Variants in RGS5 observed in about 807,000 individuals in gnomAD.
The protein encoded by RGS5 is regulator of G-protein signalling 5.
RGS5 carries 20 observed loss-of-function variants against 18.9 expected under a neutral mutation model. The ratio of observed to expected loss-of-function variants is 1.06; its 90% CI spans 0.74 to 1.54. The LOEUF is 1.54. Ranked by LOEUF, RGS5 falls within the 40% of genes most tolerant of loss-of-function variation. RGS5 has a pLI of 0.00. For missense variants in RGS5, 201 were observed against 211.8 expected, an observed-to-expected ratio of 0.95 and a Z score of 0.32; for synonymous variants, 57 against 76.2, an observed-to-expected ratio of 0.75 and a Z score of 1.31.
chr1:163,227,612 A>G (rs902833427), intron 2 of RGS5, among the ~76,000 whole-genome samples: 8 of 143,700 alleles, frequency 5.6e-5, no homozygotes, highest in African/African-American at 2.1e-4. Flanking sequence ...ATGTCCTCAC[A>G]TTTCAAAACA....
At chr1:163,199,473 T>C (rs1659692585) in intron 1 of RGS5, among the ~76,000 whole-genome samples, 1 of 152,208 alleles carries the variant, frequency 6.6e-6, no homozygotes, top group African/African-American at 2.4e-5. Flanking sequence ...TTGTTAATTG[T>C]TGAAATTTTC....
intron 2 of RGS5, among the ~76,000 whole-genome samples, chr1:163,235,498 T>A (rs1647599361): frequency 6.6e-6 from 1 of 152,202 alleles, no homozygotes; most frequent in Admixed American, 6.5e-5. Flanking sequence ...CAGTAGGGAC[T>A]ATTTCTTGAT....
chr1:163,192,429 A>T (rs1659396247), intron 1 of RGS5, among the ~76,000 whole-genome samples: 1 of 152,182 alleles, frequency 6.6e-6, no homozygotes, highest in Non-Finnish European at 1.5e-5. Flanking sequence ...AGGAGAGAGA[A>T]AAAGTTTGTT....
In RGS5 at chr1:163,168,476, C is replaced by T. The variant is rs1658157815; in HGVS notation, c.45-108G>A. The T allele has an allele frequency of 5.3e-5, 41 of 777,054 alleles. 1 individual carries two copies. In the South Asian group the frequency reaches 6.8e-4, roughly 13 times the overall value. The allele number at this position is 777,054 out of a possible 1,614,324, so 48.1% of individuals were successfully genotyped here. A position where few individuals can be genotyped will look rare whatever the true frequency, so the allele number is the denominator to read the frequency against. ...AACAAAAATGAACAAAATCCCATTTCACTTTTATTTTTCTTGTGGCAGAAA... is the reference window on the plus strand; with the variant it reads ...AACAAAAATGAACAAAATCCCATTTTACTTTTATTTTTCTTGTGGCAGAAA... On this transcript the variant is annotated intron_variant, in intron 1 of 4. Transcript: ENST00000313961.
rs1439163424 is a variant in RGS5 at position 163,246,324 on chromosome 1, A to G, written c.-281+59909T>C. 2.0e-5 allele frequency among the ~76,000 whole-genome samples: 3 copies of G among 151,856 alleles called. No individual in the cohort carries two copies. The East Asian group carries it at 5.8e-4, about 29-fold the overall frequency. On this transcript the variant is annotated intron_variant, in intron 2 of 5. Coordinates refer to the RGS5 transcript ENST00000618415. ...GGTGCCTCACGCCTGTAATCCCAGC[A>G]CTTTGGGAGGCTGAGGCGGGCGGAT...
intron 1 of RGS5, among the ~76,000 whole-genome samples, chr1:163,192,079 T>C (rs986446251): frequency 1.3e-5 from 2 of 152,198 alleles, no homozygotes; most frequent in African/African-American, 2.4e-5. Flanking sequence ...GTTGTTCAAC[T>C]GTATCCTTTG....
chr1:163,171,355 T>C (rs896569491), intron 1 of RGS5, among the ~76,000 whole-genome samples: 1 of 152,164 alleles, frequency 6.6e-6, no homozygotes, highest in African/African-American at 2.4e-5. Context: ...CGTGAAAACC[T>C]TCATCCATAA....
chr1:163,168,465 A>C lies in RGS5; in HGVS notation c.45-97T>G, dbSNP rs554159504. On this transcript the variant is annotated intron_variant, in intron 1 of 4. Coordinates refer to ENST00000313961, the MANE Select transcript of RGS5 (RefSeq NM_003617.4). ...TGTGTCAGAGAAACAAAAATGAACA[A>C]AATCCCATTTCACTTTTATTTTTCT... 5 of 839,382 alleles carry C rather than the reference A, an allele frequency of 6.0e-6. No individual in the cohort carries two copies. The East Asian group carries it at 7.4e-5, about 12-fold the overall frequency. The allele number at this position is 839,382 out of a possible 1,614,324, so 52.0% of individuals were successfully genotyped here.
In RGS5 at chr1:163,147,056, C is replaced by A. The variant is rs555193721; in HGVS notation, c.*286G>T. On this transcript the variant is annotated 3_prime_UTR_variant, in exon 5 of 5. Coordinates refer to ENST00000313961, the MANE Select transcript of RGS5 (RefSeq NM_003617.4). ...CATAGTCTTGTCTTATATTTCTTTG[C>A]CTTAGGCAGGATTTTTCTGTGATTC... 3 of 254,994 alleles carry A rather than the reference C, an allele frequency of 1.2e-5. No individual in the cohort carries two copies. Among genetic ancestry groups the A allele is most frequent in the Non-Finnish European group, 2.2e-5 (3 of 135,720 alleles). 15.8% of individuals were successfully genotyped at this position (254,994 alleles called of 1,614,324 possible).
intron 1 of RGS5, among the ~76,000 whole-genome samples, chr1:163,199,755 T>C (rs1659704647): frequency 6.6e-6 from 1 of 152,096 alleles, no homozygotes; most frequent in Non-Finnish European, 1.5e-5. Context: ...TTGATTATTT[T>C]TCATTATTTG....
chr1:163,280,724 A>G (rs1369237026), intron 2 of RGS5, among the ~76,000 whole-genome samples: 2 of 151,904 alleles, frequency 1.3e-5, no homozygotes, highest in African/African-American at 4.8e-5. Context: ...TTCCTACCCA[A>G]AGTAATCTAC....
intron 1 of RGS5, among the ~76,000 whole-genome samples, chr1:163,198,173 CAA>C (rs1407999971): frequency 6.6e-6 from 1 of 151,934 alleles, no homozygotes; most frequent in Non-Finnish European, 1.5e-5. Context: ...TTTTTAAAAA[CAA>C]AAATTTAAAA....
chr1:163,221,567 A>G (rs900577449), upstream of RGS5, among the ~76,000 whole-genome samples: 2 of 152,222 alleles, frequency 1.3e-5, no homozygotes, highest in Admixed American at 1.3e-4. Context: ...AGTCAAATTG[A>G]TGTAGTCTTA....
chr1:163,294,087 A>T (rs1348417847), intron 2 of RGS5, among the ~76,000 whole-genome samples: 1 of 152,186 alleles, frequency 6.6e-6, no homozygotes, highest in African/African-American at 2.4e-5. Context: ...GCAAGATGTC[A>T]GTGGATCTAC....
At chr1:163,278,652 C>T (rs1571336746) in intron 2 of RGS5, among the ~76,000 whole-genome samples, 1 of 151,936 alleles carries the variant, frequency 6.6e-6, no homozygotes, top group Non-Finnish European at 1.5e-5. Flanking sequence ...ATATATCAAA[C>T]AATTAGAAAC....
At chr1:163,228,294 T>C (rs1647386689) in intron 2 of RGS5, among the ~76,000 whole-genome samples, 1 of 152,240 alleles carries the variant, frequency 6.6e-6, no homozygotes, top group South Asian at 2.1e-4. Flanking sequence ...GAAATCTAGG[T>C]GGAGGTTCCC....
chr1:163,317,731 A>T (rs1327362699), intron 1 of RGS5, among the ~76,000 whole-genome samples: 1 of 152,200 alleles, frequency 6.6e-6, no homozygotes, highest in African/African-American at 2.4e-5. Flanking sequence ...AGAATCTCTC[A>T]GTTCCTAGAC....
chr1:163,191,561 G>A (rs557666667), intron 1 of RGS5, among the ~76,000 whole-genome samples: 3 of 152,242 alleles, frequency 2.0e-5, no homozygotes, highest in East Asian at 1.9e-4. Context: ...TCATGAGTGC[G>A]TTTCTTATTA....
chr1:163,293,627 A>G (rs1649349920), intron 2 of RGS5, among the ~76,000 whole-genome samples: 1 of 152,146 alleles, frequency 6.6e-6, no homozygotes, highest in African/African-American at 2.4e-5. Context: ...ACATTTCAAA[A>G]CACAATTATG....
Sources: gnomAD v4.1 joint callset for allele counts (sites outside exome capture counted in the v4.1 genomes callset) on GRCh38, gnomAD v4.1.1 for gene constraint, MANE v1.5 for transcripts, NCBI Gene and HGNC (gene_info 2026-07-23, HGNC 2026-07-21) for gene names.